Variants in C19orf44 observed in about 807,000 individuals in gnomAD.
The protein encoded by C19orf44 is chromosome 19 open reading frame 44, also known as uncharacterized protein C19orf44.
C19orf44 carries 43 observed loss-of-function variants against 50.7 expected under a neutral mutation model. The ratio of observed to expected loss-of-function variants is 0.85; its 90% CI spans 0.66 to 1.09. C19orf44 has a LOEUF of 1.09. C19orf44 is among the 50% of genes least tolerant of loss of function. C19orf44 has a pLI of 0.00. For synonymous variants in C19orf44, 298 were observed against 334.7 expected (o/e 0.89, Z 1.20); for missense variants, 722 against 836.2 (o/e 0.86, Z 1.68).
At chr19:16,506,133 G>A (rs56003728) in intron 3 of C19orf44, among the ~76,000 whole-genome samples, 9,609 of 151,456 alleles carry the variant, frequency 0.063, 410 homozygotes, top group Middle Eastern at 0.13. Flanking sequence ...CCGCCACCAC[G>A]CCTGGCTAAT....
chr19:16,517,883 C>G (rs927646155), intron 8 of C19orf44: 1 of 152,170 alleles, frequency 6.6e-6, no homozygotes. Flanking sequence ...TACACATGTG[C>G]GGGAGAAAGG....
chr19:16,520,374 AGCG>A lies in C19orf44; in HGVS notation c.*323_*325del, dbSNP rs1294154277. ...GCAGCCTCTGCCTACCTAGATCTGG[AGCG>A]GGAGTAGGAACGGGAGCAGGAGCGC... On this transcript the variant is annotated 3_prime_UTR_variant, in exon 9 of 9. Transcript: ENST00000221671. The surrounding 1 kb of genome is among the most constrained non-coding windows in gnomAD (Gnocchi z 4.0). The A allele has an allele frequency of 1.2e-6, 2 of 1,613,588 alleles. No individual in the cohort carries two copies. Among genetic ancestry groups the A allele is most frequent in the Non-Finnish European group, 1.7e-6 (2 of 1,179,908 alleles).
In C19orf44 at chr19:16,519,157, G is replaced by T; in HGVS notation, c.*41-937G>T. 1 of 1,611,524 alleles carries T rather than the reference G, an allele frequency of 6.2e-7. No individual in the cohort carries two copies. The highest frequency in any genetic ancestry group is 1.1e-5 in the South Asian group (1 of 90,732). ...CACCGGCGCGGCTCCCGGCATGGGC[G>T]CCTACTTACACTCGTCCCTGGCCTT... On this transcript the variant is annotated intron_variant, in intron 8 of 8. Transcript: ENST00000221671. This position sits in a 1 kb window ranked among gnomAD's most constrained non-coding sequence, Gnocchi z 6.0.
chr19:16,518,734 TGGA>T (rs1293701235), intron 8 of C19orf44: 18 of 210,338 alleles, frequency 8.6e-5, no homozygotes, highest in Non-Finnish European at 1.5e-4. Flanking sequence ...TGCGGGGAGC[TGGA>T]GGAAGGAGCT....
rs2093462128 is a variant in C19orf44 at position 16,513,063 on chromosome 19, C to T, written c.1689C>T (p.Asp563=). ...MGPALGGAYV[D]PTPIANHVIS... is the part of the protein sequence containing the mutation. ...CTGCCCTGGGAGGCGCCTACGTGGA[C>T]CCGACACCCATCGCCAATCATGTTA... The change falls in exon 6 of 9, where the codon GAC becomes GAT. Residue 563 remains aspartate (D), a synonymous_variant. Coordinates refer to ENST00000221671, the MANE Select transcript of C19orf44 (RefSeq NM_032207.4). 1 of 1,613,830 alleles carries T rather than the reference C, an allele frequency of 6.2e-7. No individual in the cohort carries two copies. Among genetic ancestry groups the T allele is most frequent in the Non-Finnish European group, 8.5e-7 (1 of 1,180,026 alleles).
At position 16,517,238 on chromosome 19, in the gene C19orf44, G is replaced by A. The variant is rs747503827; in HGVS notation, c.1911G>A (p.Arg637=). ...TGTTCTCTGCCTGACAGTACATTAG[G>A]TGCCACAGACCTGCCCCACTGACCA... The part of the protein sequence containing the change: ...HTLEEAKEYI[R]CHRPAPLTME... The change falls in exon 8 of 9, where the codon AGG becomes AGA. Residue 637 remains arginine, a synonymous_variant. Coordinates refer to ENST00000221671, the MANE Select transcript of C19orf44 (RefSeq NM_032207.4). 1.9e-6 allele frequency: 3 copies of A among 1,613,934 alleles called. No homozygotes were observed. Among genetic ancestry groups the A allele is most frequent in the East Asian group, 2.2e-5 (1 of 44,892 alleles).
intron 4 of C19orf44, among the ~76,000 whole-genome samples, 166 bp from the exon 5 acceptor site, chr19:16,509,333 G>A (rs1398032703): frequency 6.6e-6 from 1 of 152,166 alleles, no homozygotes; most frequent in African/African-American, 2.4e-5. Flanking sequence ...TACTGAAGAC[G>A]CCACAGTTCT....
At position 16,519,471 on chromosome 19, in the gene C19orf44, G is replaced by T; in HGVS notation, c.*41-623G>T. On this transcript the variant is annotated intron_variant, in intron 8 of 8. Transcript: ENST00000221671. This position sits in a 1 kb window ranked among gnomAD's most constrained non-coding sequence, Gnocchi z 6.0. ...GGGAAATGGGTAGAGAGAACCCGCA[G>T]GCCGGCCCTGTCTAGAGGGTCTGGG... 1 of 1,280,932 alleles carries T rather than the reference G, an allele frequency of 7.8e-7. No homozygotes were observed. The highest frequency in any genetic ancestry group is 1.1e-6 in the Non-Finnish European group (1 of 909,412). 79.3% of individuals were successfully genotyped at this position (1,280,932 alleles called of 1,614,324 possible).
At position 16,520,681 on chromosome 19, in the gene C19orf44, G is replaced by A. The variant is rs1001037008; in HGVS notation, c.*628G>A. ...ATAGTGTGGCCGAGCCTGCTGCTGTGTGAATTCAGGCCTTGTGGAAAACAC... is the reference window on the plus strand; with the variant it reads ...ATAGTGTGGCCGAGCCTGCTGCTGTATGAATTCAGGCCTTGTGGAAAACAC... On this transcript the variant is annotated 3_prime_UTR_variant, in exon 9 of 9. Transcript: ENST00000221671. This position sits in a 1 kb window ranked among gnomAD's most constrained non-coding sequence, Gnocchi z 4.0. 9.6e-5 allele frequency: 108 copies of A among 1,126,542 alleles called. No individual in the cohort carries two copies. Among genetic ancestry groups the A allele is most frequent in the Non-Finnish European group, 1.4e-4 (107 of 763,670 alleles). 69.8% of individuals were successfully genotyped at this position (1,126,542 alleles called of 1,614,324 possible). A position where few individuals can be genotyped will look rare whatever the true frequency, so the allele number is the denominator to read the frequency against.
intron 1 of C19orf44, chr19:16,499,601 T>C (rs568110964): frequency 6.6e-6 from 1 of 152,192 alleles, no homozygotes; most frequent in African/African-American, 2.4e-5. Flanking sequence ...TTAAAGTCTT[T>C]GTAATCTTCG....
Position 16,519,040 on chromosome 19 carries a change from C to A in C19orf44, c.*41-1054C>A. On this transcript the variant is annotated intron_variant, in intron 8 of 8. Transcript: ENST00000221671. This position sits in a 1 kb window ranked among gnomAD's most constrained non-coding sequence, Gnocchi z 6.0. ...TGGTCTTCCTTCTCTTCCTGTGGCT[C>A]TCCACAAGTGGAGACGGTGTAAGAA... 1.1e-6 allele frequency: 1 copy of A among 938,880 alleles called. No homozygotes were observed. Among genetic ancestry groups the A allele is most frequent in the South Asian group, 1.6e-5 (1 of 61,764 alleles). 58.2% of individuals were successfully genotyped at this position (938,880 alleles called of 1,614,324 possible).
Position 16,517,210 on chromosome 19 carries a change from G to C in C19orf44, c.1903-20G>C, listed in dbSNP as rs201943030. On this transcript the variant is annotated intron_variant, in intron 7 of 8. Coordinates refer to ENST00000221671, the MANE Select transcript of C19orf44 (RefSeq NM_032207.4). ...CTGAGGTGACGATGGTGATGGCGTG[G>C]TCTGTTCTCTGCCTGACAGTACATT... 1 of 1,612,128 alleles carries C rather than the reference G, an allele frequency of 6.2e-7. No homozygotes were observed. Among genetic ancestry groups the C allele is most frequent in the Non-Finnish European group, 8.5e-7 (1 of 1,178,402 alleles).
At position 16,520,260 on chromosome 19, in the gene C19orf44, C is replaced by T. The variant is rs372500028; in HGVS notation, c.*207C>T. 9 of 1,613,296 alleles carry T rather than the reference C, an allele frequency of 5.6e-6. No homozygotes were observed. The African/African-American group carries it at 8.0e-5, about 14-fold the overall frequency. On this transcript the variant is annotated 3_prime_UTR_variant, in exon 9 of 9. Transcript: ENST00000221671. This position sits in a 1 kb window ranked among gnomAD's most constrained non-coding sequence, Gnocchi z 4.0. ...GCTTCTGGAGGAGCGCGACCTGCTC[C>T]GACTTCTGCAGGGAAGGGTGCCCAA...
chr19:16,516,039 C>T (rs1314291391), intron 7 of C19orf44, among the ~76,000 whole-genome samples: 4 of 152,200 alleles, frequency 2.6e-5, no homozygotes, highest in Admixed American at 6.5e-5. Context: ...CACAGGTGAT[C>T]CACCTGCCTC....
Position 16,509,551 on chromosome 19 carries a change from C to A in C19orf44, c.1202C>A (p.Ala401Glu). The A allele has an allele frequency of 6.3e-7, 1 of 1,585,256 alleles. No homozygotes were observed. Among genetic ancestry groups the A allele is most frequent in the Non-Finnish European group, 8.6e-7 (1 of 1,166,284 alleles). Residue 401 changes from alanine to glutamate, a missense_variant, in exon 5 of 9, where the codon GCG (alanine) becomes GAG (glutamate). Ala to Glu is a moderately radical substitution (Grantham distance 107). Coordinates refer to ENST00000221671, the MANE Select transcript of C19orf44 (RefSeq NM_032207.4). ...KTAGKIFRAE[A>E]STGQDAPRQA... ...GCTGGCAAAATCTTCAGAGCCGAGG[C>A]GTCCACTGGGCAGGATGCCCCGAGG...
At chr19:16,515,801 T>C (rs2093469841) in intron 7 of C19orf44, among the ~76,000 whole-genome samples, 1 of 151,782 alleles carries the variant, frequency 6.6e-6, no homozygotes, top group South Asian at 2.1e-4. Flanking sequence ...TCATAAACTT[T>C]TTTTTTTCTT....
At chr19:16,513,278 T>C (rs1315999316) in intron 6 of C19orf44, among the ~76,000 whole-genome samples, 169 bp downstream of exon 6, 1 of 152,076 alleles carries the variant, frequency 6.6e-6, no homozygotes, top group Non-Finnish European at 1.5e-5. Flanking sequence ...AGAGAAAAGG[T>C]GTGGATGCCC....
At chr19:16,506,968 T>C (rs1225143897) in intron 4 of C19orf44, among the ~76,000 whole-genome samples, 194 bp downstream of exon 4, 1 of 152,182 alleles carries the variant, frequency 6.6e-6, no homozygotes, top group Non-Finnish European at 1.5e-5. Context: ...CGACCATGCC[T>C]GGCCCAATGT....
rs2093450736 is a variant in C19orf44 at position 16,509,655 on chromosome 19, C to G, written c.1306C>G (p.Leu436Val). 6.2e-7 allele frequency: 1 copy of G among 1,614,250 alleles called. No homozygotes were observed. The highest frequency in any genetic ancestry group is 8.5e-7 in the Non-Finnish European group (1 of 1,180,056). ...EGDESEVSEH[L>V]SASSASAIQQ... is the part of the protein sequence containing the mutation. ...GGATGAGAGCGAGGTCTCGGAGCAT[C>G]TCAGTGCCAGCTCGGCTTCTGCCAT... The change falls in exon 5 of 9, where the codon CTC (leucine) becomes GTC (valine). Residue 436 changes from leucine (L) to valine (V), a missense_variant. Physicochemically the swap from Leu to Val is conservative, Grantham distance 32. Transcript: ENST00000221671.
Sources: allele counts gnomAD v4.1 joint callset (sites outside exome capture counted in the v4.1 genomes callset), GRCh38; gene constraint gnomAD v4.1.1; non-coding constraint Gnocchi (gnomAD v3.1); transcripts MANE v1.5; gene names NCBI Gene and HGNC (gene_info 2026-07-23, HGNC 2026-07-21).